CCDC141: variants seen among roughly 807,000 people sequenced by gnomAD.
CCDC141 encodes the protein coiled-coil domain containing 141.
CCDC141 carries 168 observed loss-of-function variants against 181.0 expected under a neutral mutation model. The ratio of observed to expected loss-of-function variants is 0.93; its 90% CI spans 0.82 to 1.05. The LOEUF (loss-of-function observed/expected upper bound fraction) is 1.05, where lower values mean the gene tolerates loss of function less well. CCDC141 is among the 50% of genes least tolerant of loss of function. The pLI is 0.00. For missense variants in CCDC141, 1,902 were observed against 1,788.5 expected, an observed-to-expected ratio of 1.06 and a Z score of -1.14; for synonymous variants, 666 against 642.3, an observed-to-expected ratio of 1.04 and a Z score of -0.56.
In CCDC141 at chr2:178,895,432, G is replaced by T. The variant is rs1687360928; in HGVS notation, c.1266-6764C>A. Among the ~76,000 whole-genome samples, 3 of 151,942 alleles carry T rather than the reference G, an allele frequency of 2.0e-5. No homozygotes were observed. In the South Asian group the frequency reaches 6.2e-4, roughly 32 times the overall value. On this transcript the variant is annotated intron_variant, in intron 8 of 23. Transcript: ENST00000443758. ...TGTAGGTCCAGATCTTTTTACTCTG[G>T]GATCTTTGCTACTTCACATCATCAG...
chr2:178,978,921 C>T, intron 2 of CCDC141, among the ~76,000 whole-genome samples: 1 of 152,130 alleles, frequency 6.6e-6, no homozygotes, highest in East Asian at 1.9e-4. Flanking sequence ...CTGCTGACAT[C>T]TGTCAAAGAC....
intron 21 of CCDC141, among the ~76,000 whole-genome samples, chr2:178,849,670 G>A (rs1442575267): frequency 6.6e-6 from 1 of 152,018 alleles, no homozygotes; most frequent in Admixed American, 6.6e-5. Context: ...TATTTTCTCT[G>A]GTGCCACAAT....
chr2:178,837,100 C>G lies in CCDC141; in HGVS notation c.4119G>C (p.Arg1373Ser). 1 of 1,613,980 alleles carries G rather than the reference C, an allele frequency of 6.2e-7. No individual in the cohort carries two copies. Among genetic ancestry groups the G allele is most frequent in the Non-Finnish European group, 8.5e-7 (1 of 1,179,960 alleles). Residue 1373 changes from arginine (R) to serine (S), a missense_variant, in exon 23 of 24, where the codon AGG (arginine) becomes AGC (serine). By Grantham distance (110) the Arg-to-Ser change is moderately radical (BLOSUM62 -1). Coordinates refer to ENST00000443758, the MANE Select transcript of CCDC141 (RefSeq NM_173648.4). ...HASSDAFSGL[R>S]FQSGTSRGYQ... is the part of the protein sequence containing the mutation. ...AGCCCCTGCTGGTGCCTGATTGAAA[C>G]CTGAGGCCCGAGAATGCATCAGAGG...
At chr2:178,915,426 C>T (rs1014670752) in intron 7 of CCDC141, among the ~76,000 whole-genome samples, 1 of 152,128 alleles carries the variant, frequency 6.6e-6, no homozygotes, top group Non-Finnish European at 1.5e-5. Flanking sequence ...CAAGCTATCC[C>T]ACTCACTCAT....
chr2:179,009,698 T>G, intron 2 of CCDC141, among the ~76,000 whole-genome samples: 1 of 149,972 alleles, frequency 6.7e-6, no homozygotes, highest in Non-Finnish European at 1.5e-5. Flanking sequence ...CAGTGGATTC[T>G]GTGAGGGTTC....
rs530039937 is a variant in CCDC141, at chr2:178,831,051, C to G, written c.*3122G>C. The G allele has an allele frequency of 6.6e-6, 1 of 152,216 alleles. No homozygotes were observed. Among genetic ancestry groups the G allele is most frequent in the South Asian group, 2.1e-4 (1 of 4,824 alleles). The allele number at this position is 152,216 out of a possible 1,614,324, so 9.4% of individuals were successfully genotyped here. ...GCAGTTAGAAGGGTCTTGTAGTCAT[C>G]TATTTTAAGTATGTGTCTTGATTAT... On this transcript the variant is annotated 3_prime_UTR_variant, in exon 24 of 24. Coordinates refer to ENST00000443758, the MANE Select transcript of CCDC141 (RefSeq NM_173648.4).
chr2:178,837,824 A>G (rs1388918815), intron 22 of CCDC141, 80 bp from the exon 23 acceptor site: 1 of 1,478,464 alleles, frequency 6.8e-7, no homozygotes. Flanking sequence ...ACTCAACTTC[A>G]GAGAGATAAC....
chr2:178,982,713 C>G (rs1691482076), intron 2 of CCDC141, among the ~76,000 whole-genome samples: 1 of 152,188 alleles, frequency 6.6e-6, no homozygotes, highest in Non-Finnish European at 1.5e-5. Flanking sequence ...CAGACGGCAC[C>G]TGGAGAATCG....
At chr2:179,036,523 T>C (rs530911112) in intron 2 of CCDC141, among the ~76,000 whole-genome samples, 5 of 152,172 alleles carry the variant, frequency 3.3e-5, no homozygotes, top group African/African-American at 1.2e-4. Flanking sequence ...TTCTAGTCAC[T>C]GGAAATGAAC....
intron 2 of CCDC141, among the ~76,000 whole-genome samples, chr2:179,020,885 G>A (rs1246646524): frequency 2.6e-5 from 4 of 152,150 alleles, no homozygotes; most frequent in Non-Finnish European, 5.9e-5. Flanking sequence ...GTTAGGGTTA[G>A]CCATAAATGT....
At chr2:179,015,571 TATATCTC>T (rs2042485251) in intron 2 of CCDC141, among the ~76,000 whole-genome samples, 1 of 131,358 alleles carries the variant, frequency 7.6e-6, no homozygotes, top group Non-Finnish European at 1.6e-5. Context: ...ATATATCTCA[TATATCTC>T]ATATATATCT....
chr2:178,820,237 G>C, the CCDC141 span, among the ~76,000 whole-genome samples: 1 of 152,080 alleles, frequency 6.6e-6, no homozygotes, highest in African/African-American at 2.4e-5. Context: ...TTCGTATTTG[G>C]CTCTGACCTG....
intron 2 of CCDC141, among the ~76,000 whole-genome samples, chr2:178,993,614 T>C (rs2154382637): frequency 6.6e-6 from 1 of 152,284 alleles, no homozygotes; most frequent in South Asian, 2.1e-4. Flanking sequence ...CCAAATCTCA[T>C]GTCCTTATAT....
rs199632320 is a variant in CCDC141 at position 178,902,888 on chromosome 2, G to A, written c.1265+2441C>T. Reference sequence around the variant, plus strand: ...AAAGGGCTAATATCCAGAATCTACAGTGAACTCAAACAAATTTACAAGAAA... The same window carrying A: ...AAAGGGCTAATATCCAGAATCTACAATGAACTCAAACAAATTTACAAGAAA... On this transcript the variant is annotated intron_variant, in intron 8 of 23. Transcript: ENST00000443758. 9.9e-3 allele frequency among the ~76,000 whole-genome samples: 1,361 copies of A among 136,912 alleles called. 14 individuals are homozygous for A. The highest frequency in any genetic ancestry group is 0.05 in the East Asian group (204 of 4,046). 89.8% of individuals were successfully genotyped at this position (136,912 alleles called of 152,430 possible).
At chr2:178,933,326 A>G (rs879723381) in intron 6 of CCDC141, among the ~76,000 whole-genome samples, 12 of 152,222 alleles carry the variant, frequency 7.9e-5, no homozygotes, top group Admixed American at 7.9e-4. Context: ...GGACATGTAC[A>G]TACATGAAAC....
At position 178,869,122 on chromosome 2, in the gene CCDC141, C is replaced by T; in HGVS notation, c.2389G>A (p.Glu797Lys). Residue 797 changes from glutamate to lysine, a missense_variant, in exon 15 of 24, where the codon GAA (glutamate) becomes AAA (lysine). Transcript: ENST00000443758. The stretch of plus-strand genomic sequence containing the variant: ...ACATCCCTTCTAAGCCTTACCTCTT[C>T]CTTGACTTGATGGAACTGGACCACC... ...YKVVQFHQVKEELGRLIKSRE... is the reference protein window; with the variant it reads ...YKVVQFHQVKKELGRLIKSRE... 2.5e-6 allele frequency: 4 copies of T among 1,577,360 alleles called. No homozygotes were observed. The highest frequency in any genetic ancestry group is 4.6e-5 in the East Asian group (2 of 43,888).
At chr2:178,958,316 A>T (rs2154378651) in intron 5 of CCDC141, among the ~76,000 whole-genome samples, 1 of 152,302 alleles carries the variant, frequency 6.6e-6, no homozygotes, top group African/African-American at 2.4e-5. Flanking sequence ...ACTTTGGGTT[A>T]TAATGATGTG....
At chr2:178,968,823 A>G (rs1170520514) in intron 4 of CCDC141, among the ~76,000 whole-genome samples, 1 of 151,884 alleles carries the variant, frequency 6.6e-6, no homozygotes, top group Non-Finnish European at 1.5e-5. Context: ...AAGATCAACA[A>G]AACAGACCGC....
At position 178,865,824 on chromosome 2, in the gene CCDC141, A is replaced by C; in HGVS notation, c.2667T>G (p.Tyr889Ter). ...CCACACTACGGGACAGGGTCCGTCC[A>C]TACTCCTCAGCTTTGGCACGCCACT... is the stretch of plus-strand genomic sequence containing the variant. ...SMKWRAKAEE[Y>*]GRTLSRSVEY... Residue 889 changes from tyrosine (Y) to a stop codon, truncating the protein, a stop_gained, in exon 17 of 24, where the codon TAT (tyrosine) becomes TAG (stop). Transcript: ENST00000443758. LOFTEE classifies it high-confidence loss of function. 1.9e-6 allele frequency: 3 copies of C among 1,607,108 alleles called. No individual in the cohort carries two copies. Among genetic ancestry groups the C allele is most frequent in the Non-Finnish European group, 2.5e-6 (3 of 1,176,476 alleles).
Sources: gnomAD v4.1 joint callset for allele counts (sites outside exome capture counted in the v4.1 genomes callset) on GRCh38, gnomAD v4.1.1 for gene constraint, MANE v1.5 for transcripts, NCBI Gene and HGNC (gene_info 2026-07-23, HGNC 2026-07-21) for gene names.